The following GPT2 variants were observed in gnomAD, a reference collection of about 807,000 sequenced individuals.
GPT2 encodes glutamic--pyruvic transaminase 2, also known as alanine aminotransferase 2.
In GPT2, 30 loss-of-function variants were observed where a neutral mutation model predicts 56.9. That is an observed-to-expected ratio of 0.53 (90% CI 0.39 to 0.72). The LOEUF is 0.72. Ranked by LOEUF, GPT2 falls within the 30% of genes least tolerant of loss-of-function variation. GPT2 has a pLI of 0.00. For missense variants in GPT2, 542 were observed against 703.4 expected, an observed-to-expected ratio of 0.77 and a Z score of 2.60; for synonymous variants, 271 against 283.1, an observed-to-expected ratio of 0.96 and a Z score of 0.43.
At chr16:46,923,951 A>C in intron 9 of GPT2, 2 of 309,548 alleles carry the variant, frequency 6.5e-6, no homozygotes, top group Non-Finnish European at 1.3e-5. Context: ...TGGTACGAGA[A>C]TAGAACCCAT....
At chr16:46,893,850 A>G (rs1016528294) in intron 2 of GPT2, among the ~76,000 whole-genome samples, 1 of 152,126 alleles carries the variant, frequency 6.6e-6, no homozygotes. Flanking sequence ...GCGGCTCCTT[A>G]GTCCCTCTGA....
chr16:46,928,994 G>C lies in GPT2; in HGVS notation c.1569G>C (p.Ala523=). The change falls in exon 12 of 12, where the codon GCG becomes GCC. Residue 523 remains alanine, a synonymous_variant. Transcript: ENST00000340124. ...DFHINFLEKY[A] is the part of the protein sequence containing the mutation. Reference sequence around the variant, plus strand: ...ACATCAACTTCCTGGAGAAGTACGCGTGAGGACGCCTGAGCCCCAGCGGGA... The same window carrying C: ...ACATCAACTTCCTGGAGAAGTACGCCTGAGGACGCCTGAGCCCCAGCGGGA... The C allele has an allele frequency of 1.9e-6, 3 of 1,613,424 alleles. No individual in the cohort carries two copies. The highest frequency in any genetic ancestry group is 1.1e-5 in the South Asian group (1 of 91,066).
chr16:46,894,787 T>G (rs1019596718), intron 2 of GPT2, among the ~76,000 whole-genome samples: 1 of 152,056 alleles, frequency 6.6e-6, no homozygotes, highest in African/African-American at 2.4e-5. Context: ...TGCCTCAGCG[T>G]CCCGAGTAGC....
At chr16:46,899,773 C>G (rs1436880870) in intron 3 of GPT2, among the ~76,000 whole-genome samples, 2 of 152,192 alleles carry the variant, frequency 1.3e-5, no homozygotes, top group Non-Finnish European at 2.9e-5. Flanking sequence ...CCTCATGGGC[C>G]TGGGTTTAAG....
Position 46,906,976 on chromosome 16 carries a change from G to T in GPT2, c.576+1G>T. On this transcript the variant is annotated splice_donor_variant, in intron 5 of 11. Transcript: ENST00000340124. LOFTEE classifies it high-confidence loss of function. The stretch of plus-strand genomic sequence containing the variant: ...CACGGGAGCTAGTGACGGCATTTCT[G>T]TACGTGTGAGGGTGGCTCGTTGTTA... The T allele has an allele frequency of 6.2e-7, 1 of 1,614,206 alleles. No homozygotes were observed.
At chr16:46,895,741 C>G (rs1960674002) in intron 2 of GPT2, among the ~76,000 whole-genome samples, 2 of 152,138 alleles carry the variant, frequency 1.3e-5, no homozygotes, top group Admixed American at 1.3e-4. Flanking sequence ...AAGTGTTGCC[C>G]AGGCTGTTGT....
chr16:46,923,039 G>A (rs1404332232), intron 9 of GPT2, among the ~76,000 whole-genome samples: 7 of 152,220 alleles, frequency 4.6e-5, no homozygotes, highest in Admixed American at 2.0e-4. Context: ...CTCCAGAGCC[G>A]TTCCATGATC....
intron 2 of GPT2, among the ~76,000 whole-genome samples, chr16:46,893,366 C>T (rs1232897419): frequency 6.6e-6 from 1 of 152,148 alleles, no homozygotes. Flanking sequence ...CTGCTGACCT[C>T]GTGATCTACC....
rs1960437721 is a variant in GPT2, at chr16:46,884,398, G to A, written c.-92G>A. ...CGGGCGCGGGGATGCGGCTGTGGGC[G>A]CCGGGGCCGGGTAGCTGCTCCAGGC... On this transcript the variant is annotated 5_prime_UTR_variant, in exon 1 of 12. Coordinates refer to ENST00000340124, the MANE Select transcript of GPT2 (RefSeq NM_133443.4). 9.8e-6 allele frequency: 2 copies of A among 205,050 alleles called. No homozygotes were observed. The highest frequency in any genetic ancestry group is 1.9e-5 in the Non-Finnish European group (2 of 103,078). The allele number at this position is 205,050 out of a possible 1,614,324, so 12.7% of individuals were successfully genotyped here.
At chr16:46,927,249 T>C (rs1408142415) in intron 11 of GPT2, among the ~76,000 whole-genome samples, 3 of 152,180 alleles carry the variant, frequency 2.0e-5, no homozygotes. Flanking sequence ...AGGGTTATAT[T>C]CCCTGAAAGG....
chr16:46,895,252 AG>A (rs1960664668), intron 2 of GPT2, among the ~76,000 whole-genome samples: 1 of 151,908 alleles, frequency 6.6e-6, no homozygotes, highest in Non-Finnish European at 1.5e-5. Context: ...AGGCCAGGCG[AG>A]GTGGCTCACA....
In GPT2 at chr16:46,902,362, G is replaced by A. The variant is rs184970880; in HGVS notation, c.442+1572G>A. Among the ~76,000 whole-genome samples the A allele has an allele frequency of 2.6e-5, 4 of 152,232 alleles. No homozygotes were observed. In the East Asian group the frequency reaches 7.7e-4, roughly 29 times the overall value. ...GGAAGTACTTTGTACCCACCTCCTC[G>A]GCTTGCAAGGAAGGTTCATGTGTGC... On this transcript the variant is annotated intron_variant, in intron 4 of 11. Coordinates refer to ENST00000340124, the MANE Select transcript of GPT2 (RefSeq NM_133443.4).
chr16:46,913,227 C>T (rs907430992), intron 6 of GPT2, among the ~76,000 whole-genome samples: 1 of 152,240 alleles, frequency 6.6e-6, no homozygotes, highest in African/African-American at 2.4e-5. Flanking sequence ...GGTCTCATTT[C>T]CTTTACTGGG....
chr16:46,915,460 CCCA>C (rs1347873910), intron 6 of GPT2: 2 of 150,162 alleles, frequency 1.3e-5, no homozygotes, highest in Non-Finnish European at 3.0e-5. Context: ...ACACACACAC[CCCA>C]CCACACCTGC....
At chr16:46,884,639 G>T in intron 1 of GPT2, 55 bp from the exon 2 acceptor site, 7 of 1,327,382 alleles carry the variant, frequency 5.3e-6, no homozygotes, top group Non-Finnish European at 6.8e-6. Flanking sequence ...GTGGGGGAGT[G>T]CTGCACGCCT....
At chr16:46,901,534 G>A (rs1960817100) in intron 4 of GPT2, among the ~76,000 whole-genome samples, 2 of 152,198 alleles carry the variant, frequency 1.3e-5, no homozygotes, top group South Asian at 2.1e-4. Context: ...CCTTCATGCA[G>A]CACCCACGCT....
rs534323898 is a variant in GPT2 at position 46,929,388 on chromosome 16, C to T, written c.*391C>T. ...CTTAACCGTGGTGAGGGCTGGAAAT[C>T]CAAACTCACCACCATGATCTGTGAA... On this transcript the variant is annotated 3_prime_UTR_variant, in exon 12 of 12. Coordinates refer to ENST00000340124, the MANE Select transcript of GPT2 (RefSeq NM_133443.4). 89 of 228,780 alleles carry T rather than the reference C, an allele frequency of 3.9e-4. No homozygotes were observed. Among genetic ancestry groups the T allele is most frequent in the Admixed American group, 1.2e-3 (24 of 20,240 alleles). 14.2% of individuals were successfully genotyped at this position (228,780 alleles called of 1,614,324 possible).
chr16:46,895,697 A>AT (rs1960673341), intron 2 of GPT2, among the ~76,000 whole-genome samples: 1 of 151,962 alleles, frequency 6.6e-6, no homozygotes, highest in Admixed American at 6.6e-5. Flanking sequence ...GCTAATTTTA[A>AT]TTTTTTGTAG....
chr16:46,919,303 G>T lies in GPT2; in HGVS notation c.1037+546G>T, dbSNP rs1000857796. Among the ~76,000 whole-genome samples the T allele has an allele frequency of 2.0e-5, 3 of 152,324 alleles. No individual in the cohort carries two copies. In the East Asian group the frequency reaches 5.8e-4, roughly 29 times the overall value. ...CGGCACAAAGCGTGGGTTCTAGTGA[G>T]GGGGGAGAGCTGTAGGCAAATGAGT... is the stretch of plus-strand genomic sequence containing the variant. On this transcript the variant is annotated intron_variant, in intron 8 of 11. Transcript: ENST00000340124.
Sources: allele counts gnomAD v4.1 joint callset (sites outside exome capture counted in the v4.1 genomes callset), GRCh38; gene constraint gnomAD v4.1.1; transcripts MANE v1.5; gene names NCBI Gene and HGNC (gene_info 2026-07-23, HGNC 2026-07-21).